Variants in LCOR observed in about 807,000 individuals in gnomAD.
LCOR encodes ligand dependent nuclear receptor corepressor.
LCOR carries 14 observed loss-of-function variants against 64.4 expected under a neutral mutation model. That is an observed-to-expected ratio of 0.22 (90% CI 0.14 to 0.34). LCOR has a LOEUF of 0.34. LCOR is among the 10% of genes least tolerant of loss of function. The pLI, the probability that LCOR is intolerant of heterozygous loss-of-function variation, is 1.00. For missense variants in LCOR, 1,686 were observed against 1,765.3 expected (o/e 0.96, Z 0.80); for synonymous variants, 643 against 642.5 (o/e 1.00, Z -0.01).
chr10:96,947,548 A>G (rs1847609742), intron 5 of LCOR, among the ~76,000 whole-genome samples: 2 of 152,166 alleles, frequency 1.3e-5, no homozygotes, highest in Non-Finnish European at 2.9e-5. Context: ...TGCCTTCTAT[A>G]GCTAATCTTT....
At position 96,954,984 on chromosome 10, in the gene LCOR, G is replaced by C. The variant is rs754640243; in HGVS notation, c.332+2788G>C. On this transcript the variant is annotated intron_variant, in intron 7 of 7. Transcript: ENST00000421806. ...TGGGAGACCCAGCCAGTACCGCCCA[G>C]ACGGACTTCGGAGTGGTGATGGGGT... The C allele has an allele frequency of 7.4e-6, 12 of 1,613,968 alleles. No individual in the cohort carries two copies. Among genetic ancestry groups the C allele is most frequent in the Non-Finnish European group, 9.3e-6 (11 of 1,180,014 alleles).
chr10:96,906,545 GATA>G (rs1338191770), intron 2 of LCOR, among the ~76,000 whole-genome samples: 2 of 152,146 alleles, frequency 1.3e-5, no homozygotes, highest in South Asian at 2.1e-4. Flanking sequence ...CAGTATTTGA[GATA>G]ATAAGCCAGA....
intron 4 of LCOR, among the ~76,000 whole-genome samples, chr10:96,910,564 G>A (rs1002127190): frequency 2.6e-5 from 4 of 152,226 alleles, no homozygotes; most frequent in African/African-American, 7.2e-5. Flanking sequence ...AGAAGGACTA[G>A]AGTCTGGAAA....
chr10:96,911,903 G>T (rs1306827998), intron 4 of LCOR, among the ~76,000 whole-genome samples: 1 of 152,078 alleles, frequency 6.6e-6, no homozygotes, highest in Non-Finnish European at 1.5e-5. Flanking sequence ...AATTCTCTGT[G>T]TACTGCTTAT....
intron 2 of LCOR, among the ~76,000 whole-genome samples, chr10:96,855,720 G>A (rs1399272699): frequency 6.6e-6 from 1 of 151,800 alleles, no homozygotes; most frequent in Non-Finnish European, 1.5e-5. Context: ...ACAGGCATGA[G>A]CCACAGTGCC....
intron 7 of LCOR, 100 bp from the exon 8 acceptor site, chr10:96,980,693 A>G: frequency 1.7e-6 from 1 of 594,088 alleles, no homozygotes; most frequent in Non-Finnish European, 3.0e-6. Context: ...CAAAAAATAA[A>G]TAAATAATAA....
intron 7 of LCOR, among the ~76,000 whole-genome samples, chr10:96,952,743 T>C (rs1387130959): frequency 6.6e-6 from 1 of 152,204 alleles, no homozygotes; most frequent in Non-Finnish European, 1.5e-5. Flanking sequence ...TGATAACTCT[T>C]AGGAGTCTAA....
intron 2 of LCOR, among the ~76,000 whole-genome samples, chr10:96,888,195 T>C (rs1258245902): frequency 6.7e-6 from 1 of 149,966 alleles, no homozygotes; most frequent in Non-Finnish European, 1.5e-5. Flanking sequence ...TGAAACCCTG[T>C]CTCTACTAAA....
At chr10:96,910,606 A>G (rs1846813684) in intron 4 of LCOR, among the ~76,000 whole-genome samples, 2 of 152,184 alleles carry the variant, frequency 1.3e-5, no homozygotes, top group African/African-American at 4.8e-5. Flanking sequence ...TTTTTTGGAA[A>G]TGTATTATAT....
chr10:96,893,794 T>G (rs1846490186), intron 2 of LCOR, among the ~76,000 whole-genome samples: 1 of 151,396 alleles, frequency 6.6e-6, no homozygotes. Flanking sequence ...TGTCCAAGGT[T>G]ATAGAGCTTT....
At chr10:96,958,661 C>G (rs1847821829) in intron 7 of LCOR, 7 of 545,702 alleles carry the variant, frequency 1.3e-5, no homozygotes, top group Non-Finnish European at 1.6e-5. Context: ...AAACATTACA[C>G]TTGAGATCAG....
chr10:96,903,594 G>T (rs1036301862), intron 2 of LCOR, among the ~76,000 whole-genome samples: 1 of 152,096 alleles, frequency 6.6e-6, no homozygotes, highest in African/African-American at 2.4e-5. Context: ...CCCAGGAACC[G>T]TTTTTTCATT....
chr10:96,941,683 G>A (rs1430366757), intron 4 of LCOR, among the ~76,000 whole-genome samples: 3 of 150,902 alleles, frequency 2.0e-5, no homozygotes, highest in African/African-American at 7.3e-5. Flanking sequence ...TCACTTCTCA[G>A]ACGGGGCGGT....
At chr10:96,877,038 G>A (rs961078790) in intron 2 of LCOR, among the ~76,000 whole-genome samples, 2 of 152,064 alleles carry the variant, frequency 1.3e-5, no homozygotes, top group African/African-American at 4.8e-5. Flanking sequence ...TATAATCAAG[G>A]ACTTGCAAAT....
chr10:96,967,666 G>A (rs905997745), intron 7 of LCOR, among the ~76,000 whole-genome samples: 38 of 152,012 alleles, frequency 2.5e-4, no homozygotes, highest in African/African-American at 8.2e-4. Flanking sequence ...ATTGAATAAG[G>A]TCTCGTAAAC....
At chr10:96,857,304 C>T (rs1845822592) in intron 2 of LCOR, among the ~76,000 whole-genome samples, 2 of 152,158 alleles carry the variant, frequency 1.3e-5, no homozygotes, top group Admixed American at 6.6e-5. Context: ...AAGCCATCCC[C>T]TGTACTTTTT....
chr10:96,936,701 G>A (rs566715551), intron 4 of LCOR, among the ~76,000 whole-genome samples: 1 of 151,722 alleles, frequency 6.6e-6, no homozygotes, highest in African/African-American at 2.4e-5. Flanking sequence ...GATGCAGATT[G>A]AATTGTGTCC....
At chr10:96,852,303 T>A (rs1174054688) in intron 2 of LCOR, among the ~76,000 whole-genome samples, 1 of 152,134 alleles carries the variant, frequency 6.6e-6, no homozygotes, top group Admixed American at 6.6e-5. Context: ...ATGCCTGTAG[T>A]CCCAGCTGTT....
intron 2 of LCOR, among the ~76,000 whole-genome samples, chr10:96,878,481 A>T (rs1184040715): frequency 1.3e-5 from 2 of 152,208 alleles, no homozygotes; most frequent in African/African-American, 2.4e-5. Context: ...GGAGGATTAA[A>T]GAGAGGAGAT....
Sources: gnomAD v4.1 joint callset for allele counts (sites outside exome capture counted in the v4.1 genomes callset) on GRCh38, gnomAD v4.1.1 for gene constraint, MANE v1.5 for transcripts, NCBI Gene and HGNC (gene_info 2026-07-23, HGNC 2026-07-21) for gene names.